PRDM16: variants seen among roughly 807,000 people sequenced by gnomAD.
The protein encoded by PRDM16 is histone-lysine N-methyltransferase PRDM16.
A neutral mutation model predicts 110.6 loss-of-function variants in PRDM16; 23 were observed. The observed-to-expected ratio is 0.21, with a 90% CI of 0.15 to 0.29. The LOEUF (loss-of-function observed/expected upper bound fraction) is 0.29. Among genes scored for constraint, PRDM16 ranks in the 10% least tolerant of loss-of-function variants. PRDM16 has a pLI of 1.00. For synonymous variants in PRDM16, 799 were observed against 781.8 expected (o/e 1.02, Z -0.37); for missense variants, 1,615 against 1,794.3 (o/e 0.90, Z 1.81).
chr1:3,308,673 G>A (rs1312886391), intron 3 of PRDM16: 2 of 152,366 alleles, frequency 1.3e-5, no homozygotes, highest in South Asian at 2.1e-4. Context: ...CCAGCCTGAG[G>A]GCAGCTCTGC....
intron 3 of PRDM16, among the ~76,000 whole-genome samples, chr1:3,270,721 G>GGGGAGGACAGTCCCGGAGGAGGACAGTCC (rs1640430448): frequency 6.9e-6 from 1 of 145,466 alleles, no homozygotes; most frequent in African/African-American, 2.6e-5. Flanking sequence ...GAGGACAGTC[G>GGGGAGGACAGTCCCGGAGGAGGACAGTCC]GGAGGAGGAC....
chr1:3,106,397 G>A (rs1416357094), intron 1 of PRDM16, among the ~76,000 whole-genome samples: 1 of 152,220 alleles, frequency 6.6e-6, no homozygotes, highest in East Asian at 1.9e-4. Context: ...ACTGGGTGGT[G>A]GCCCCACTGG....
In PRDM16 at chr1:3,350,625, C is replaced by T. The variant is rs1430226283; in HGVS notation, c.439-34527C>T. 2.0e-5 allele frequency among the ~76,000 whole-genome samples: 3 copies of T among 152,082 alleles called. No individual in the cohort carries two copies. Among genetic ancestry groups the T allele is most frequent in the Non-Finnish European group, 4.4e-5 (3 of 68,010 alleles). On this transcript the variant is annotated intron_variant, in intron 3 of 16. Coordinates refer to ENST00000270722, the MANE Select transcript of PRDM16 (RefSeq NM_022114.4). This position sits in a 1 kb window ranked among gnomAD's most constrained non-coding sequence, Gnocchi z 7.1. ...GAGCTGGGAGCCAGCCCTGCCCGGCCAGGGCTCGGGCACAGCTTGGCTCCA... is the reference window on the plus strand; with the variant it reads ...GAGCTGGGAGCCAGCCCTGCCCGGCTAGGGCTCGGGCACAGCTTGGCTCCA...
At chr1:3,427,782 A>G (rs1426783046) in intron 14 of PRDM16, among the ~76,000 whole-genome samples, 1 of 152,126 alleles carries the variant, frequency 6.6e-6, no homozygotes, top group African/African-American at 2.4e-5. Context: ...CCGTGGTCCC[A>G]AAAGCCTCAC....
chr1:3,211,834 C>T (rs1638891676), intron 2 of PRDM16, among the ~76,000 whole-genome samples: 1 of 152,224 alleles, frequency 6.6e-6, no homozygotes, highest in South Asian at 2.1e-4. Flanking sequence ...TGTGCGTGCG[C>T]GTGCATCCAC....
At chr1:3,251,889 C>T (rs1639941522) in intron 3 of PRDM16, among the ~76,000 whole-genome samples, 1 of 152,194 alleles carries the variant, frequency 6.6e-6, no homozygotes, top group Non-Finnish European at 1.5e-5. Context: ...GCCTCTTCTG[C>T]TTTAAACACG....
chr1:3,365,016 GGAA>G (rs1427049132), intron 3 of PRDM16, among the ~76,000 whole-genome samples: 1 of 152,228 alleles, frequency 6.6e-6, no homozygotes, highest in African/African-American at 2.4e-5. Context: ...GGGATGCAAA[GGAA>G]GGGAAGGCAC....
rs375294823 is a variant in PRDM16 at position 3,244,153 on chromosome 1, C to G, written c.438+16C>G. The G allele has an allele frequency of 8.1e-6, 13 of 1,613,110 alleles. No homozygotes were observed. In the African/African-American group the frequency reaches 1.3e-4, roughly 17 times the overall value. On this transcript the variant is annotated intron_variant, in intron 3 of 16. Transcript: ENST00000270722. The surrounding 1 kb of genome is among the most constrained non-coding windows in gnomAD (Gnocchi z 4.1). ...CATCACAAAGGTAGGAGAGCTCGCCCTGCGCCGTCTCAGCTCCCCAGCGTC... is the reference window on the plus strand; with the variant it reads ...CATCACAAAGGTAGGAGAGCTCGCCGTGCGCCGTCTCAGCTCCCCAGCGTC...
At chr1:3,197,880 C>T (rs1464931196) in intron 2 of PRDM16, among the ~76,000 whole-genome samples, 2 of 152,164 alleles carry the variant, frequency 1.3e-5, no homozygotes, top group African/African-American at 2.4e-5. Flanking sequence ...GCGTGAACCT[C>T]GCACTCCTCA....
intron 1 of PRDM16, among the ~76,000 whole-genome samples, chr1:3,168,756 G>A (rs555951531): frequency 1.3e-5 from 2 of 152,300 alleles, no homozygotes; most frequent in Admixed American, 1.3e-4. Flanking sequence ...CGTGTTTCCC[G>A]GGCCACCTGC....
chr1:3,312,402 C>T (rs558293812), intron 3 of PRDM16, among the ~76,000 whole-genome samples: 137 of 152,312 alleles, frequency 9.0e-4, no homozygotes, highest in African/African-American at 3.2e-3. Flanking sequence ...CACAGGGCCC[C>T]GAGGGCAGCA....
chr1:3,331,871 G>A (rs543375635), intron 3 of PRDM16, among the ~76,000 whole-genome samples: 16 of 152,320 alleles, frequency 1.1e-4, no homozygotes, highest in Middle Eastern at 6.8e-3. Context: ...ACACAGCCCC[G>A]GGGGGCCTCA....
chr1:3,111,466 T>TGGGGAGGAGG (rs1642790435), intron 1 of PRDM16, among the ~76,000 whole-genome samples: 1 of 105,914 alleles, frequency 9.4e-6, no homozygotes, highest in Non-Finnish European at 1.9e-5. Context: ...CGGACTCCTG[T>TGGGGAGGAGG]GGGGAGGAGG....
rs562216085 is a variant in PRDM16 at position 3,100,758 on chromosome 1, G to C, written c.37+31462G>C. ...TAGGGCTGGTGGGTCCTGTGGGGTG[G>C]AATGTGGGGCAGGAGGACCTGGGCT... On this transcript the variant is annotated intron_variant, in intron 1 of 16. Transcript: ENST00000270722. Among the ~76,000 whole-genome samples the C allele has an allele frequency of 3.3e-5, 5 of 152,292 alleles. No homozygotes were observed. In the East Asian group the frequency reaches 9.7e-4, roughly 29 times the overall value.
intron 1 of PRDM16, among the ~76,000 whole-genome samples, chr1:3,075,581 G>A (rs1343452310): frequency 6.6e-6 from 1 of 152,252 alleles, no homozygotes; most frequent in Non-Finnish European, 1.5e-5. Context: ...TATTATGGCT[G>A]TTTTTATAAC....
intron 1 of PRDM16, among the ~76,000 whole-genome samples, chr1:3,150,931 G>T (rs889601171): frequency 4.1e-5 from 4 of 96,646 alleles, no homozygotes; most frequent in South Asian, 4.8e-4. Context: ...ATGGAAACGG[G>T]GGGGCTGGTC....
intron 3 of PRDM16, among the ~76,000 whole-genome samples, chr1:3,253,668 T>C (rs568919203): frequency 7.0e-4 from 106 of 152,308 alleles, no homozygotes; most frequent in Non-Finnish European, 1.2e-3. Flanking sequence ...GCAATAAACA[T>C]ACGTGTGCAT....
chr1:3,133,092 A>T (rs1004889196), intron 1 of PRDM16: 33 of 152,224 alleles, frequency 2.2e-4, no homozygotes, highest in African/African-American at 8.0e-4. Context: ...TGCCAGACTG[A>T]GTGGTCCACA....
intron 3 of PRDM16, among the ~76,000 whole-genome samples, chr1:3,281,928 C>T (rs1327673651): frequency 6.6e-6 from 1 of 152,164 alleles, no homozygotes; most frequent in Non-Finnish European, 1.5e-5. Flanking sequence ...GGCATGAGGC[C>T]AAGGTGGGCG....
Sources: allele counts gnomAD v4.1 joint callset (sites outside exome capture counted in the v4.1 genomes callset), GRCh38; gene constraint gnomAD v4.1.1; non-coding constraint Gnocchi (gnomAD v3.1); transcripts MANE v1.5; gene names NCBI Gene and HGNC (gene_info 2026-07-23, HGNC 2026-07-21).